PRKG1: variants seen among roughly 807,000 people sequenced by gnomAD.
PRKG1 encodes the protein cGMP-dependent protein kinase 1.
Under a neutral mutation model 88.1 loss-of-function variants are expected in PRKG1, and 35 were observed. The ratio of observed to expected loss-of-function variants is 0.40; its 90% confidence interval spans 0.30 to 0.53. The LOEUF is 0.53. Among genes scored for constraint, PRKG1 ranks in the 20% least tolerant of loss-of-function variants. PRKG1 has a pLI of 0.59. For synonymous variants in PRKG1, 303 were observed against 292.5 expected (o/e 1.04, Z -0.37); for missense variants, 540 against 839.8 (o/e 0.64, Z 4.41).
intron 5 of PRKG1, among the ~76,000 whole-genome samples, chr10:51,940,143 T>A (rs1488461926): frequency 1.3e-5 from 2 of 151,956 alleles, no homozygotes; most frequent in Admixed American, 6.6e-5. Context: ...TCTTTATTCT[T>A]TGCAAGACAG....
intron 1 of PRKG1, among the ~76,000 whole-genome samples, chr10:50,998,192 C>T (rs1842854391): frequency 6.6e-6 from 1 of 152,176 alleles, no homozygotes; most frequent in Non-Finnish European, 1.5e-5. Flanking sequence ...TTTTTCTTCT[C>T]CTTTTCCATG....
At chr10:51,661,822 A>G (rs1392397269) in intron 3 of PRKG1, among the ~76,000 whole-genome samples, 3 of 152,214 alleles carry the variant, frequency 2.0e-5, no homozygotes, top group African/African-American at 7.2e-5. Context: ...GAGACTTGGA[A>G]CCAACCCAAA....
At chr10:52,156,904 C>T (rs372304922) in intron 8 of PRKG1, among the ~76,000 whole-genome samples, 1 of 151,450 alleles carries the variant, frequency 6.6e-6, no homozygotes, top group Non-Finnish European at 1.5e-5. Flanking sequence ...AACGGTATAG[C>T]CTGTGAAATT....
Position 51,138,670 on chromosome 10 carries a change from G to GTTTTT in PRKG1, c.312-14490_312-14489insTTTTT, listed in dbSNP as rs1402122952. Among the ~76,000 whole-genome samples the GTTTTT allele has an allele frequency of 8.4e-4, 56 of 67,058 alleles. 3 individuals are homozygous for GTTTTT. The highest frequency in any genetic ancestry group is 1.4e-3 in the Non-Finnish European group (43 of 30,748). 44.0% of individuals were successfully genotyped at this position (67,058 alleles called of 152,430 possible). On this transcript the variant is annotated intron_variant, in intron 1 of 17. Coordinates refer to ENST00000373980, the MANE Select transcript of PRKG1 (RefSeq NM_006258.4). ...GGAATCCAGTCTTTTTGGACATTGAGTTTTGTTTTTTTTTTTTTTTTTTTT... is the reference window on the plus strand; with the variant it reads ...GGAATCCAGTCTTTTTGGACATTGAGTTTTTTTTTGTTTTTTTTTTTTTTTTTTTT...
intron 9 of PRKG1, among the ~76,000 whole-genome samples, chr10:52,197,825 T>C (rs1479689802): frequency 6.6e-6 from 1 of 152,222 alleles, no homozygotes; most frequent in Non-Finnish European, 1.5e-5. Flanking sequence ...ATTACTATAT[T>C]CATGGATGAA....
At chr10:50,999,430 T>C (rs968703494) in intron 1 of PRKG1, among the ~76,000 whole-genome samples, 3 of 152,200 alleles carry the variant, frequency 2.0e-5, no homozygotes, top group Admixed American at 1.3e-4. Context: ...AATAGGTATA[T>C]TGCAACTACA....
chr10:51,444,400 G>T (rs761860408), intron 2 of PRKG1, among the ~76,000 whole-genome samples: 2 of 151,806 alleles, frequency 1.3e-5, no homozygotes, highest in Non-Finnish European at 2.9e-5. Context: ...ACTGAAATAT[G>T]TGTTGCCTCC....
At chr10:52,227,049 A>C (rs990337573) in intron 9 of PRKG1, among the ~76,000 whole-genome samples, 6 of 152,204 alleles carry the variant, frequency 3.9e-5, no homozygotes, top group African/African-American at 1.4e-4. Flanking sequence ...TGGTCCTTGA[A>C]GCAGTTCAAC....
chr10:51,862,006 C>T (rs759881001), intron 4 of PRKG1, among the ~76,000 whole-genome samples: 3 of 152,136 alleles, frequency 2.0e-5, no homozygotes, highest in Admixed American at 6.5e-5. Flanking sequence ...ATGAAGGGAA[C>T]GTGGTGGCAC....
chr10:52,232,819 G>A (rs1367229676), intron 9 of PRKG1, among the ~76,000 whole-genome samples: 2 of 152,164 alleles, frequency 1.3e-5, no homozygotes, highest in East Asian at 3.9e-4. Context: ...AAGTTTCTAA[G>A]GCTTCCACCT....
intron 3 of PRKG1, among the ~76,000 whole-genome samples, chr10:51,497,764 C>T (rs189514449): frequency 2.0e-5 from 3 of 152,280 alleles, no homozygotes; most frequent in Admixed American, 2.0e-4. Context: ...CAAAATCTAA[C>T]TCTCACGGGA....
At chr10:51,957,253 CA>C (rs1331474501) in intron 5 of PRKG1, among the ~76,000 whole-genome samples, 57 of 96,242 alleles carry the variant, frequency 5.9e-4, no homozygotes, top group Non-Finnish European at 8.4e-4. Flanking sequence ...TCTTTTCTTT[CA>C]TACATAGCTT....
chr10:52,180,248 C>T lies in PRKG1; in HGVS notation c.1076+18285C>T, dbSNP rs1360470660. Among the ~76,000 whole-genome samples the T allele has an allele frequency of 3.3e-5, 5 of 152,146 alleles. No individual in the cohort carries two copies. The East Asian group carries it at 9.6e-4, about 29-fold the overall frequency. On this transcript the variant is annotated intron_variant, in intron 9 of 17. Transcript: ENST00000373980. ...TAAATTTATTAATTAAATTCTTGAG[C>T]TCTAAAATCTATTTGATTCTTAATA...
Position 51,980,406 on chromosome 10 carries a change from A to G in PRKG1, c.762+72836A>G, listed in dbSNP as rs948217982. ...GGAGTGTTTTGTGTCTGATTATGTG[A>G]TTGATTTTACAATATGTGCCCTGTG... On this transcript the variant is annotated intron_variant, in intron 5 of 17. Coordinates refer to ENST00000373980, the MANE Select transcript of PRKG1 (RefSeq NM_006258.4). Among the ~76,000 whole-genome samples, 3 of 151,992 alleles carry G rather than the reference A, an allele frequency of 2.0e-5. No individual in the cohort carries two copies. The South Asian group carries it at 6.2e-4, about 31-fold the overall frequency.
intron 4 of PRKG1, among the ~76,000 whole-genome samples, chr10:51,818,955 C>T (rs1159150837): frequency 2.4e-5 from 2 of 83,598 alleles, no homozygotes; most frequent in Non-Finnish European, 3.9e-5. Context: ...TGCAGTGAGC[C>T]GAGATCCCGC....
intron 3 of PRKG1, among the ~76,000 whole-genome samples, chr10:51,737,511 TA>T (rs1837309635): frequency 6.6e-6 from 1 of 152,028 alleles, no homozygotes; most frequent in Admixed American, 6.6e-5. Context: ...TCCCATTACA[TA>T]AAGGGGTAGG....
chr10:52,000,497 C>T (rs1201547880), intron 5 of PRKG1, among the ~76,000 whole-genome samples: 1 of 152,010 alleles, frequency 6.6e-6, no homozygotes, highest in African/African-American at 2.4e-5. Context: ...TCAAGATTGG[C>T]ATTTACACGA....
At chr10:51,163,368 C>T (rs1403449919) in intron 2 of PRKG1, among the ~76,000 whole-genome samples, 1 of 152,152 alleles carries the variant, frequency 6.6e-6, no homozygotes, top group Non-Finnish European at 1.5e-5. Context: ...GGTCAAACTC[C>T]TATGAAGATG....
At chr10:51,539,855 T>C (rs956907958) in intron 3 of PRKG1, among the ~76,000 whole-genome samples, 2 of 152,182 alleles carry the variant, frequency 1.3e-5, no homozygotes, top group Non-Finnish European at 2.9e-5. Flanking sequence ...TCTGACATGT[T>C]TACACAATTT....
Sources: gnomAD v4.1 joint callset for allele counts (sites outside exome capture counted in the v4.1 genomes callset) on GRCh38, gnomAD v4.1.1 for gene constraint, MANE v1.5 for transcripts, NCBI Gene and HGNC (gene_info 2026-07-23, HGNC 2026-07-21) for gene names.